Variants in TAF1L observed in about 807,000 individuals in gnomAD.
The protein encoded by TAF1L is TATA-box binding protein associated factor 1 like.
TAF1L carries 30 observed loss-of-function variants against 128.8 expected under a neutral mutation model. That is an observed-to-expected ratio of 0.23 (90% confidence interval 0.17 to 0.32). TAF1L has a LOEUF of 0.32. TAF1L is among the 10% of genes least tolerant of loss of function. TAF1L has a pLI of 1.00. For synonymous variants in TAF1L, 764 were observed against 790.7 expected (o/e 0.97, Z 0.57); for missense variants, 2,099 against 2,253.7 (o/e 0.93, Z 1.39).
At position 32,631,007 on chromosome 9, in the gene TAF1L, C is replaced by T; in HGVS notation, c.4573G>A (p.Ala1525Thr). The change falls in exon 1 of 1, where the codon GCA becomes ACA. Residue 1525 changes from alanine to threonine, a missense_variant. Coordinates refer to ENST00000242310, the MANE Select transcript of TAF1L (RefSeq NM_153809.2). The surrounding 1 kb of genome is among the most constrained non-coding windows in gnomAD (Gnocchi z 4.1). ...NPLLDDDDQVAFSFILDNIVT... is the reference protein window; with the variant it reads ...NPLLDDDDQVTFSFILDNIVT... Reference sequence around the variant, plus strand: ...ATGTTGTCCAGAATGAAAGAAAATGCCACTTGGTCATCATCATCCAGCAAG... The same window carrying T: ...ATGTTGTCCAGAATGAAAGAAAATGTCACTTGGTCATCATCATCCAGCAAG... 1 of 1,614,150 alleles carries T rather than the reference C, an allele frequency of 6.2e-7. No homozygotes were observed. The highest frequency in any genetic ancestry group is 8.5e-7 in the Non-Finnish European group (1 of 1,180,042).
rs750667894 is a variant in TAF1L, at chr9:32,632,062, G to C, written c.3518C>G (p.Thr1173Ser). The part of the protein sequence containing the change: ...NHRDDVTASM[T>S]SLKSSATGHC... ...TCCAGTGGCAGAAGACTTAAGGCTA[G>C]TCATGGAAGCTGTGACATCATCTCT... Residue 1173 changes from threonine to serine, a missense_variant, in exon 1 of 1, where the codon ACT becomes AGT. Thr to Ser is a moderately conservative substitution (Grantham distance 58). This residue lies in a region of TAF1L where 1,213 missense variants were observed against 1,391.4 expected (regional missense o/e 0.87). Coordinates refer to ENST00000242310, the MANE Select transcript of TAF1L (RefSeq NM_153809.2). The surrounding 1 kb of genome is among the most constrained non-coding windows in gnomAD (Gnocchi z 4.4). The C allele has an allele frequency of 5.6e-6, 9 of 1,614,048 alleles. No individual in the cohort carries two copies. The African/African-American group carries it at 1.1e-4, about 19-fold the overall frequency.
rs1822508114 is a variant in TAF1L at position 32,630,832 on chromosome 9, C to G, written c.4748G>C (p.Ser1583Thr). ...TACATCATCTAGAAAACTCTCCCGA[C>G]TCTGATACTTGTGCTTGGAGATGTT... is the stretch of plus-strand genomic sequence containing the variant. ...RKNISKHKYQ[S>T]RESFLDDVNL... The change falls in exon 1 of 1, where the codon AGT (serine) becomes ACT (threonine). Residue 1583 changes from serine to threonine, a missense_variant. Around this residue, in one of 4 missense-constraint regions of TAF1L, gnomAD observed 404 missense variants for 406.5 expected, o/e 0.99. Transcript: ENST00000242310. 1 of 1,614,182 alleles carries G rather than the reference C, an allele frequency of 6.2e-7. No individual in the cohort carries two copies. The highest frequency in any genetic ancestry group is 1.3e-5 in the African/African-American group (1 of 75,040).
In TAF1L at chr9:32,632,524, A is replaced by G. The variant is rs1822530751; in HGVS notation, c.3056T>C (p.Leu1019Pro). Reference sequence around the variant, plus strand: ...ACGTAGAAGTTGCTTGGCATTTTTCAGGGAAAGGCGACGAAGGTCTGCATC... The same window carrying G: ...ACGTAGAAGTTGCTTGGCATTTTTCGGGGAAAGGCGACGAAGGTCTGCATC... Reference protein sequence around the residue: ...GTDADLRRLSLKNAKQLLRKF... With the variant: ...GTDADLRRLSPKNAKQLLRKF... The change falls in exon 1 of 1, where the codon CTG (leucine) becomes CCG (proline). Residue 1019 changes from leucine (L) to proline (P), a missense_variant. Around this residue, in one of 4 missense-constraint regions of TAF1L, gnomAD observed 1,213 missense variants for 1,391.4 expected, o/e 0.87. Transcript: ENST00000242310. This position sits in a 1 kb window ranked among gnomAD's most constrained non-coding sequence, Gnocchi z 4.4. 1 of 1,614,228 alleles carries G rather than the reference A, an allele frequency of 6.2e-7. No homozygotes were observed. The highest frequency in any genetic ancestry group is 8.5e-7 in the Non-Finnish European group (1 of 1,180,042).
At position 32,633,119 on chromosome 9, in the gene TAF1L, G is replaced by A; in HGVS notation, c.2461C>T (p.His821Tyr). 1 of 1,614,166 alleles carries A rather than the reference G, an allele frequency of 6.2e-7. No homozygotes were observed. The highest frequency in any genetic ancestry group is 8.5e-7 in the Non-Finnish European group (1 of 1,180,030). Residue 821 changes from histidine (H) to tyrosine (Y), a missense_variant, in exon 1 of 1, where the codon CAT (histidine) becomes TAT (tyrosine). His to Tyr is a moderately conservative substitution (Grantham distance 83). Coordinates refer to ENST00000242310, the MANE Select transcript of TAF1L (RefSeq NM_153809.2). ...AAAACCTGTAGAAAGTCTCGAATATGCATATTGGCCCTTCTGGAGTTAGGC... is the reference window on the plus strand; with the variant it reads ...AAAACCTGTAGAAAGTCTCGAATATACATATTGGCCCTTCTGGAGTTAGGC... ...PGPNSRRANMHIRDFLQVFIY... is the reference protein window; with the variant it reads ...PGPNSRRANMYIRDFLQVFIY...
chr9:32,632,962 C>G lies in TAF1L; in HGVS notation c.2618G>C (p.Arg873Pro). Residue 873 changes from arginine (R) to proline (P), a missense_variant, in exon 1 of 1, where the codon CGC becomes CCC. Transcript: ENST00000242310. The surrounding 1 kb of genome is among the most constrained non-coding windows in gnomAD (Gnocchi z 4.4). ...CCACCAGTTTGAATCCATCCCTGTG[C>G]GTTTGAAGTCAGCGCAGAGCTTTAG... ...KRLKLCADFK[R>P]TGMDSNWWVL... 1 of 1,614,210 alleles carries G rather than the reference C, an allele frequency of 6.2e-7. No homozygotes were observed. Among genetic ancestry groups the G allele is most frequent in the Non-Finnish European group, 8.5e-7 (1 of 1,180,042 alleles).
At position 32,634,261 on chromosome 9, in the gene TAF1L, A is replaced by C. The variant is rs1396732965; in HGVS notation, c.1319T>G (p.Ile440Ser). 3.1e-6 allele frequency: 5 copies of C among 1,614,014 alleles called. No individual in the cohort carries two copies. Among genetic ancestry groups the C allele is most frequent in the Non-Finnish European group, 3.4e-6 (4 of 1,180,028 alleles). The change falls in exon 1 of 1, where the codon ATC becomes AGC. Residue 440 changes from isoleucine (I) to serine (S), a missense_variant. Transcript: ENST00000242310. Reference protein sequence around the residue: ...EDSIIWDGEDIKHKGTKPQGA... With the variant: ...EDSIIWDGEDSKHKGTKPQGA... ...CTGAGGTTTTGTCCCTTTGTGTTTG[A>C]TATCCTCCCCATCCCAGATGATAGA...
At position 32,631,693 on chromosome 9, in the gene TAF1L, T is replaced by G. The variant is rs780479807; in HGVS notation, c.3887A>C (p.Lys1296Thr). Residue 1296 changes from lysine (K) to threonine (T), a missense_variant, in exon 1 of 1, where the codon AAA (lysine) becomes ACA (threonine). Lys to Thr is a moderately conservative substitution (Grantham distance 78). Around this residue, in one of 4 missense-constraint regions of TAF1L, gnomAD observed 1,213 missense variants for 1,391.4 expected, o/e 0.87. Coordinates refer to ENST00000242310, the MANE Select transcript of TAF1L (RefSeq NM_153809.2). The surrounding 1 kb of genome is among the most constrained non-coding windows in gnomAD (Gnocchi z 4.1). ...TGTTTGATAATAGAGGGGGCAGAAT[T>G]TGTTAGTCCTCATATGTCCAATGGC... is the stretch of plus-strand genomic sequence containing the variant. ...CGAIGHMRTNKFCPLYYQTNV... is the reference protein window; with the variant it reads ...CGAIGHMRTNTFCPLYYQTNV... 5 of 1,614,140 alleles carry G rather than the reference T, an allele frequency of 3.1e-6. No homozygotes were observed. The East Asian group carries it at 1.1e-4, about 36-fold the overall frequency.
chr9:32,634,352 T>A lies in TAF1L; in HGVS notation c.1228A>T (p.Ser410Cys). 1 of 1,614,214 alleles carries A rather than the reference T, an allele frequency of 6.2e-7. No homozygotes were observed. Among genetic ancestry groups the A allele is most frequent in the Non-Finnish European group, 8.5e-7 (1 of 1,180,040 alleles). Residue 410 changes from serine (S) to cysteine (C), a missense_variant, in exon 1 of 1, where the codon AGC (serine) becomes TGC (cysteine). By Grantham distance (112) the Ser-to-Cys change is moderately radical. Transcript: ENST00000242310. Reference protein sequence around the residue: ...MMEEFRKLEESNGTDLLADEN... With the variant: ...MMEEFRKLEECNGTDLLADEN... ...TCAGCCAGAAGATCAGTGCCATTGC[T>A]TTCCTCAAGTTTCCTAAATTCCTCC...
At position 32,630,288 on chromosome 9, in the gene TAF1L, C is replaced by T; in HGVS notation, c.5292G>A (p.Leu1764=). The change falls in exon 1 of 1, where the codon TTG becomes TTA. Residue 1764 remains leucine, a synonymous_variant. Coordinates refer to ENST00000242310, the MANE Select transcript of TAF1L (RefSeq NM_153809.2). ...QPEASVLYED[L]LISEGEDDEE... is the part of the protein sequence containing the mutation. ...CATCATCTTCTCCTTCAGATATAAGCAAATCCTCATACAGGACACTGGCTT... is the reference window on the plus strand; with the variant it reads ...CATCATCTTCTCCTTCAGATATAAGTAAATCCTCATACAGGACACTGGCTT... The T allele has an allele frequency of 1.2e-6, 2 of 1,614,186 alleles. No homozygotes were observed. Among genetic ancestry groups the T allele is most frequent in the Non-Finnish European group, 1.7e-6 (2 of 1,180,048 alleles).
Position 32,632,682 on chromosome 9 carries a change from G to A in TAF1L, c.2898C>T (p.Leu966=), listed in dbSNP as rs1203834598. The A allele has an allele frequency of 6.2e-7, 1 of 1,614,170 alleles. No individual in the cohort carries two copies. Among genetic ancestry groups the A allele is most frequent in the Admixed American group, 1.7e-5 (1 of 60,024 alleles). The change falls in exon 1 of 1, where the codon CTC becomes CTT. Residue 966 remains leucine (L), a synonymous_variant. Coordinates refer to ENST00000242310, the MANE Select transcript of TAF1L (RefSeq NM_153809.2). This position sits in a 1 kb window ranked among gnomAD's most constrained non-coding sequence, Gnocchi z 4.4. ...AFIAAMKGKC[L]LEVTGVADPT... is the part of the protein sequence containing the mutation. ...GATCTGCCACCCCAGTCACCTCTAGGAGACACTTGCCCTTCATGGCAGCAA... is the reference window on the plus strand; with the variant it reads ...GATCTGCCACCCCAGTCACCTCTAGAAGACACTTGCCCTTCATGGCAGCAA...
chr9:32,635,502 C>T lies in TAF1L; in HGVS notation c.78G>A (p.Glu26=), dbSNP rs753738145. 1.2e-6 allele frequency: 2 copies of T among 1,614,160 alleles called. No individual in the cohort carries two copies. Among genetic ancestry groups the T allele is most frequent in the South Asian group, 2.2e-5 (2 of 91,084 alleles). The change falls in exon 1 of 1, where the codon GAG becomes GAA. Residue 26 remains glutamate, a synonymous_variant. Coordinates refer to ENST00000242310, the MANE Select transcript of TAF1L (RefSeq NM_153809.2). ...TAAIMSDSDS[E]EDSSGGGPFT... is the part of the protein sequence containing the mutation. ...ATGGGCCACCTCCAGATGAATCTTC[C>T]TCGCTGTCCGAGTCTGACATGATGG...
Position 32,632,779 on chromosome 9 carries a change from T to A in TAF1L, c.2801A>T (p.Asn934Ile). The change falls in exon 1 of 1, where the codon AAT (asparagine) becomes ATT (isoleucine). Residue 934 changes from asparagine (N) to isoleucine (I), a missense_variant. By Grantham distance (149) the Asn-to-Ile change is moderately radical (BLOSUM62 -3). Transcript: ENST00000242310. This position sits in a 1 kb window ranked among gnomAD's most constrained non-coding sequence, Gnocchi z 4.4. Reference protein sequence around the residue: ...EKSFFAPEEENEEDFQMKIDD... With the variant: ...EKSFFAPEEEIEEDFQMKIDD... ...AATCTTCATCTGGAAATCTTCCTCA[T>A]TTTCTTCTTCTGGGGCAAAAAAGGA... 6.2e-7 allele frequency: 1 copy of A among 1,614,226 alleles called. No individual in the cohort carries two copies. Among genetic ancestry groups the A allele is most frequent in the Middle Eastern group, 1.6e-4 (1 of 6,062 alleles).
In TAF1L at chr9:32,630,308, T is replaced by C. The variant is rs768739252; in HGVS notation, c.5272A>G (p.Ser1758Gly). The change falls in exon 1 of 1, where the codon AGT (serine) becomes GGT (glycine). Residue 1758 changes from serine to glycine, a missense_variant. Ser to Gly is a moderately conservative substitution (Grantham distance 56). Transcript: ENST00000242310. ...ATAAGCAAATCCTCATACAGGACAC[T>C]GGCTTCAGGTTGTTGTACAGTTCCT... ...EEGTVQQPEA[S>G]VLYEDLLISE... is the part of the protein sequence containing the mutation. 4 of 1,614,216 alleles carry C rather than the reference T, an allele frequency of 2.5e-6. No individual in the cohort carries two copies. Among genetic ancestry groups the C allele is most frequent in the Non-Finnish European group, 1.7e-6 (2 of 1,180,038 alleles).
At position 32,629,528 on chromosome 9, in the gene TAF1L, AAAT is replaced by A. The variant is rs1378464995; in HGVS notation, c.*568_*570del. On this transcript the variant is annotated 3_prime_UTR_variant, in exon 1 of 1. Transcript: ENST00000242310. ...GCATTGTATAATTAAATAAACAATA[AAAT>A]AATGGGCGGTTTGTCACATAGGTTT... 2 of 155,478 alleles carry A rather than the reference AAAT, an allele frequency of 1.3e-5. No homozygotes were observed. Among genetic ancestry groups the A allele is most frequent in the Non-Finnish European group, 2.8e-5 (2 of 70,176 alleles). The allele number at this position is 155,478 out of a possible 1,614,324, so 9.6% of individuals were successfully genotyped here.
At position 32,632,134 on chromosome 9, in the gene TAF1L, C is replaced by T. The variant is rs550382128; in HGVS notation, c.3446G>A (p.Arg1149Gln). ...EWEEQERKELRRMLLVAGSAA... is the reference protein window; with the variant it reads ...EWEEQERKELQRMLLVAGSAA... ...TGAGCCTGCTACCAGTAGCATTCGC[C>T]GTAGTTCCTTCCGCTCCTGCTCCTC... is the stretch of plus-strand genomic sequence containing the variant. Residue 1149 changes from arginine to glutamine, a missense_variant, in exon 1 of 1, where the codon CGG (arginine) becomes CAG (glutamine). Around this residue, in one of 4 missense-constraint regions of TAF1L, gnomAD observed 1,213 missense variants for 1,391.4 expected, o/e 0.87. Coordinates refer to ENST00000242310, the MANE Select transcript of TAF1L (RefSeq NM_153809.2). This position sits in a 1 kb window ranked among gnomAD's most constrained non-coding sequence, Gnocchi z 4.4. 119 of 1,614,132 alleles carry T rather than the reference C, an allele frequency of 7.4e-5. No homozygotes were observed. The highest frequency in any genetic ancestry group is 1.6e-4 in the Middle Eastern group (1 of 6,062).
In TAF1L at chr9:32,633,113, G is replaced by C. The variant is rs1438154815; in HGVS notation, c.2467C>G (p.Arg823Gly). 5.6e-6 allele frequency: 9 copies of C among 1,614,130 alleles called. No homozygotes were observed. The highest frequency in any genetic ancestry group is 1.1e-5 in the South Asian group (1 of 91,078). The change falls in exon 1 of 1, where the codon CGA (arginine) becomes GGA (glycine). Residue 823 changes from arginine to glycine, a missense_variant. Transcript: ENST00000242310. Reference protein sequence around the residue: ...PNSRRANMHIRDFLQVFIYRL... With the variant: ...PNSRRANMHIGDFLQVFIYRL... The stretch of plus-strand genomic sequence containing the variant: ...TAAATAAAAACCTGTAGAAAGTCTC[G>C]AATATGCATATTGGCCCTTCTGGAG...
Position 32,633,625 on chromosome 9 carries a change from G to C in TAF1L, c.1955C>G (p.Pro652Arg). 1 of 1,614,136 alleles carries C rather than the reference G, an allele frequency of 6.2e-7. No homozygotes were observed. Among genetic ancestry groups the C allele is most frequent in the Non-Finnish European group, 8.5e-7 (1 of 1,180,028 alleles). Residue 652 changes from proline to arginine, a missense_variant, in exon 1 of 1, where the codon CCC (proline) becomes CGC (arginine). Coordinates refer to ENST00000242310, the MANE Select transcript of TAF1L (RefSeq NM_153809.2). ...YSFGALSQPG[P>R]HSVQPLLKHI... ...CTTTAGCAAAGGTTGGACTGAATGG[G>C]GACCTGGCTGAGAGAGTGCACCAAA...
rs1564012778 is a variant in TAF1L at position 32,635,422 on chromosome 9, C to G, written c.158G>C (p.Gly53Ala). The change falls in exon 1 of 1, where the codon GGG (glycine) becomes GCG (alanine). Residue 53 changes from glycine to alanine, a missense_variant. By Grantham distance (60) the Gly-to-Ala change is moderately conservative. Around this residue, in one of 4 missense-constraint regions of TAF1L, gnomAD observed 473 missense variants for 429.6 expected, o/e 1.10. Transcript: ENST00000242310. ...ACACTCATCATCCAAGACGCTTTCC[C>G]CCTCCAGCTGCCCCGCTCCACTGAT... ...GNISGAGQLE[G>A]ESVLDDECKK... The G allele has an allele frequency of 6.2e-7, 1 of 1,614,068 alleles. No individual in the cohort carries two copies.
At position 32,635,639 on chromosome 9, in the gene TAF1L, A is replaced by T; in HGVS notation, c.-60T>A. 1 of 1,273,554 alleles carries T rather than the reference A, an allele frequency of 7.9e-7. No individual in the cohort carries two copies. Among genetic ancestry groups the T allele is most frequent in the Non-Finnish European group, 1.0e-6 (1 of 978,646 alleles). 78.9% of individuals were successfully genotyped at this position (1,273,554 alleles called of 1,614,324 possible). On this transcript the variant is annotated 5_prime_UTR_variant, in exon 1 of 1. Coordinates refer to ENST00000242310, the MANE Select transcript of TAF1L (RefSeq NM_153809.2). ...ATCTACTTAGCTCCCTTACCCTACCAGCGTCTACCGGAAGCTGAATAAAGG... is the reference window on the plus strand; with the variant it reads ...ATCTACTTAGCTCCCTTACCCTACCTGCGTCTACCGGAAGCTGAATAAAGG...
Sources: gnomAD v4.1 joint callset for allele counts on GRCh38, gnomAD v4.1.1 for gene constraint, gnomAD v4.1.1 regional missense constraint, Gnocchi (gnomAD v3.1) non-coding constraint, MANE v1.5 for transcripts, NCBI Gene and HGNC (gene_info 2026-07-23, HGNC 2026-07-21) for gene names.